Variants in GRIN2A observed in about 807,000 individuals in gnomAD.
The protein encoded by GRIN2A is glutamate ionotropic receptor NMDA type subunit 2A.
GRIN2A carries 22 observed loss-of-function variants against 113.4 expected under a neutral mutation model. That is an observed-to-expected ratio of 0.19 (90% CI 0.14 to 0.28). The LOEUF (loss-of-function observed/expected upper bound fraction) is 0.28, where lower values mean the gene tolerates loss of function less well. GRIN2A is among the 10% of genes least tolerant of loss of function. The probability of loss-of-function intolerance (pLI) is 1.00; values close to 1 mark genes in which losing one functional copy is unlikely to be tolerated. For missense variants in GRIN2A, 1,502 were observed against 1,887.0 expected (o/e 0.80, Z 3.78); for synonymous variants, 827 against 738.4 (o/e 1.12, Z -1.94).
At chr16:9,916,869 G>A (rs1318837791) in intron 3 of GRIN2A, among the ~76,000 whole-genome samples, 1 of 152,210 alleles carries the variant, frequency 6.6e-6, no homozygotes, top group Non-Finnish European at 1.5e-5. Context: ...ATGTGAGGAA[G>A]TGATGAGCAT....
At chr16:9,779,130 C>T (rs530842103) in intron 11 of GRIN2A, among the ~76,000 whole-genome samples, 3 of 152,138 alleles carry the variant, frequency 2.0e-5, no homozygotes, top group Middle Eastern at 3.2e-3. Flanking sequence ...CAGGCAAATG[C>T]CTGAATGATC....
chr16:10,061,075 G>C (rs762520092), intron 2 of GRIN2A, among the ~76,000 whole-genome samples: 43 of 152,126 alleles, frequency 2.8e-4, no homozygotes, highest in Non-Finnish European at 5.0e-4. Flanking sequence ...TGAAATGCTG[G>C]GGTAGGATTT....
At chr16:10,157,865 G>T (rs893471421) in intron 2 of GRIN2A, among the ~76,000 whole-genome samples, 19 of 151,762 alleles carry the variant, frequency 1.3e-4, no homozygotes, top group East Asian at 3.9e-4. Context: ...TTTATTTTTG[G>T]TTTTTTTACT....
At chr16:9,995,690 T>A (rs1316457132) in intron 2 of GRIN2A, among the ~76,000 whole-genome samples, 1 of 152,214 alleles carries the variant, frequency 6.6e-6, no homozygotes, top group Non-Finnish European at 1.5e-5. Context: ...ATGCTTATAA[T>A]GTTTGTGATT....
At chr16:9,917,225 T>C (rs1314441835) in intron 3 of GRIN2A, among the ~76,000 whole-genome samples, 2 of 152,216 alleles carry the variant, frequency 1.3e-5, no homozygotes, top group African/African-American at 4.8e-5. Context: ...CAGTACCCCA[T>C]ATCTGCCCTT....
At chr16:10,078,618 A>G (rs1162230579) in intron 2 of GRIN2A, among the ~76,000 whole-genome samples, 3 of 152,182 alleles carry the variant, frequency 2.0e-5, no homozygotes, top group African/African-American at 7.2e-5. Flanking sequence ...TGGAGAATGC[A>G]GCTGCTCCTC....
At chr16:10,052,987 G>A (rs1423221859) in intron 2 of GRIN2A, among the ~76,000 whole-genome samples, 2 of 151,156 alleles carry the variant, frequency 1.3e-5, no homozygotes, top group Non-Finnish European at 2.9e-5. Flanking sequence ...GACAGAGGTT[G>A]CAGTGAGCAG....
intron 2 of GRIN2A, among the ~76,000 whole-genome samples, chr16:9,999,207 A>T (rs1486001456): frequency 6.6e-6 from 1 of 152,216 alleles, no homozygotes; most frequent in African/African-American, 2.4e-5. Flanking sequence ...AGTGGTTAAG[A>T]ATCCAAGTTC....
rs188786190 is a variant in GRIN2A at position 10,122,368 on chromosome 16, G to T, written c.414+57630C>A. Among the ~76,000 whole-genome samples, 114 of 152,280 alleles carry T rather than the reference G, an allele frequency of 7.5e-4. 1 individual carries two copies. Among genetic ancestry groups the T allele is most frequent in the Non-Finnish European group, 1.4e-3 (92 of 68,022 alleles). On this transcript the variant is annotated intron_variant, in intron 2 of 12. Coordinates refer to ENST00000330684, the MANE Select transcript of GRIN2A (RefSeq NM_001134407.3). Reference sequence around the variant, plus strand: ...GAACTCTCTTTCAGGAGGCTTCGGGGTAAGGAAGCTACAAAAGCGGGGAGG... The same window carrying T: ...GAACTCTCTTTCAGGAGGCTTCGGGTTAAGGAAGCTACAAAAGCGGGGAGG...
chr16:9,849,205 A>AATATATAAAATATACTG (rs1310983135), intron 5 of GRIN2A, among the ~76,000 whole-genome samples: 40 of 143,120 alleles, frequency 2.8e-4, no homozygotes, highest in African/African-American at 9.4e-4. Context: ...AAAATATATA[A>AATATATAAAATATACTG]TTTCTATATA....
At chr16:9,843,179 T>C (rs1379526917) in intron 5 of GRIN2A, among the ~76,000 whole-genome samples, 1 of 151,894 alleles carries the variant, frequency 6.6e-6, no homozygotes, top group Admixed American at 6.6e-5. Context: ...AAAACATGTT[T>C]TCTTTTTTAC....
At chr16:9,897,884 G>A (rs927605280) in intron 3 of GRIN2A, among the ~76,000 whole-genome samples, 7 of 152,034 alleles carry the variant, frequency 4.6e-5, no homozygotes, top group Non-Finnish European at 1.0e-4. Context: ...TGCTAAACAG[G>A]GTGTGCGCCA....
chr16:9,802,676 A>T (rs897939936), intron 10 of GRIN2A, among the ~76,000 whole-genome samples: 1 of 152,170 alleles, frequency 6.6e-6, no homozygotes, highest in African/African-American at 2.4e-5. Flanking sequence ...CTTGTTGGTG[A>T]TATTTCCAGA....
chr16:10,000,708 T>A (rs186428748), intron 2 of GRIN2A, among the ~76,000 whole-genome samples: 22 of 152,340 alleles, frequency 1.4e-4, no homozygotes, highest in Admixed American at 1.0e-3. Context: ...CATGCTTCTT[T>A]GGTTTTGGAC....
chr16:9,862,638 G>C (rs563386914), intron 4 of GRIN2A, among the ~76,000 whole-genome samples: 1 of 152,206 alleles, frequency 6.6e-6, no homozygotes, highest in East Asian at 1.9e-4. Flanking sequence ...CCTGGGGAAA[G>C]ATAGGAGTCC....
intron 2 of GRIN2A, among the ~76,000 whole-genome samples, chr16:9,986,690 A>G (rs964250243): frequency 6.6e-6 from 1 of 150,640 alleles, no homozygotes; most frequent in African/African-American, 2.4e-5. Context: ...ACTTAAACTC[A>G]GGAGACGGAG....
chr16:9,757,064 C>T lies in GRIN2A; in HGVS notation c.*6085G>A, dbSNP rs751533162. 4 of 206,186 alleles carry T rather than the reference C, an allele frequency of 1.9e-5. No homozygotes were observed. The highest frequency in any genetic ancestry group is 3.0e-5 in the Non-Finnish European group (3 of 100,922). 12.8% of individuals were successfully genotyped at this position (206,186 alleles called of 1,614,324 possible). A position where few individuals can be genotyped will look rare whatever the true frequency, so the allele number is the denominator to read the frequency against. ...ACAAAAAAGCTTTAGGGAAATGCTT[C>T]GTCTTTTTACATCATGGTCTATTTT... On this transcript the variant is annotated 3_prime_UTR_variant, in exon 13 of 13. Coordinates refer to ENST00000330684, the MANE Select transcript of GRIN2A (RefSeq NM_001134407.3).
chr16:9,843,173 CAT>C (rs2042713524), intron 5 of GRIN2A, among the ~76,000 whole-genome samples: 1 of 151,606 alleles, frequency 6.6e-6, no homozygotes, highest in South Asian at 2.1e-4. Flanking sequence ...CGGTGAAAAA[CAT>C]GTTTTCTTTT....
intron 2 of GRIN2A, among the ~76,000 whole-genome samples, chr16:10,151,371 G>T (rs2049566940): frequency 6.6e-6 from 1 of 152,206 alleles, no homozygotes; most frequent in East Asian, 1.9e-4. Flanking sequence ...TGCCAGTTAG[G>T]TGGGGAGGTG....
Sources: allele counts gnomAD v4.1 joint callset (sites outside exome capture counted in the v4.1 genomes callset), GRCh38; gene constraint gnomAD v4.1.1; transcripts MANE v1.5; gene names NCBI Gene and HGNC (gene_info 2026-07-23, HGNC 2026-07-21).